RAD51B: variants seen among roughly 807,000 people sequenced by gnomAD.
RAD51B encodes the protein RAD51 paralog B.
In RAD51B, 38 loss-of-function variants were observed where a neutral mutation model predicts 42.2. The ratio of observed to expected loss-of-function variants is 0.90; its 90% CI spans 0.70 to 1.18. The LOEUF is 1.18. Ranked by LOEUF, RAD51B falls within the 50% of genes most tolerant of loss-of-function variation. The pLI is 0.00. For missense variants in RAD51B, 373 were observed against 400.7 expected (o/e 0.93, Z 0.59); for synonymous variants, 154 against 145.2 (o/e 1.06, Z -0.43).
intron 10 of RAD51B, among the ~76,000 whole-genome samples, chr14:68,500,945 G>A (rs1002541525): frequency 2.6e-4 from 39 of 152,186 alleles, no homozygotes; most frequent in African/African-American, 8.7e-4. Flanking sequence ...TCAGTTTCTG[G>A]AGTCCCCTCT....
chr14:68,272,905 C>T (rs992441356), intron 7 of RAD51B, among the ~76,000 whole-genome samples: 3 of 150,620 alleles, frequency 2.0e-5, no homozygotes, highest in Non-Finnish European at 3.0e-5. Context: ...AGGATGGTCT[C>T]GATCTCTTGA....
chr14:68,093,572 C>T (rs1422083030), intron 7 of RAD51B, among the ~76,000 whole-genome samples: 2 of 151,950 alleles, frequency 1.3e-5, no homozygotes, highest in African/African-American at 2.4e-5. Context: ...TTTATTGTGT[C>T]TATTTGATTC....
At chr14:67,912,364 C>T (rs2044011722) in intron 7 of RAD51B, among the ~76,000 whole-genome samples, 1 of 152,154 alleles carries the variant, frequency 6.6e-6, no homozygotes, top group Admixed American at 6.5e-5. Context: ...TTATGGTACA[C>T]TAGGCATTAT....
intron 7 of RAD51B, among the ~76,000 whole-genome samples, chr14:68,125,769 A>T (rs2077746789): frequency 6.6e-6 from 1 of 151,888 alleles, no homozygotes; most frequent in African/African-American, 2.4e-5. Flanking sequence ...GTTTTTTCAA[A>T]GATAAATCCC....
intron 9 of RAD51B, among the ~76,000 whole-genome samples, chr14:68,426,242 A>AT (rs55840994): frequency 0.017 from 2,342 of 135,210 alleles, 41 homozygotes; most frequent in African/African-American, 0.044. Context: ...CTAATTTTGT[A>AT]TTTTTTTTTT....
At chr14:67,850,401 G>T (rs112437235) in intron 4 of RAD51B, among the ~76,000 whole-genome samples, 1 of 152,102 alleles carries the variant, frequency 6.6e-6, no homozygotes, top group South Asian at 2.1e-4. Flanking sequence ...CTCACTAAAG[G>T]GTGTGACTTA....
intron 7 of RAD51B, among the ~76,000 whole-genome samples, chr14:68,106,524 T>C (rs1479399308): frequency 6.6e-6 from 1 of 151,956 alleles, no homozygotes; most frequent in Non-Finnish European, 1.5e-5. Flanking sequence ...AAAGTTAATT[T>C]AAAATGAACT....
chr14:67,864,996 TTTTTAG>T lies in RAD51B; in HGVS notation c.316-6_316-1del. 1 of 1,344,982 alleles carries T rather than the reference TTTTTAG, an allele frequency of 7.4e-7. No individual in the cohort carries two copies. The highest frequency in any genetic ancestry group is 9.5e-7 in the Non-Finnish European group (1 of 1,054,814). The allele number at this position is 1,344,982 out of a possible 1,614,324, so 83.3% of individuals were successfully genotyped here. On this transcript the variant is annotated splice_acceptor_variant and splice_polypyrimidine_tract_variant and intron_variant, in intron 4 of 10. Transcript: ENST00000471583. LOFTEE classifies it high-confidence loss of function. ...TTTTTTTTTTTTTTTTTTTTTTTTT[TTTTTAG>T]ATTACAGGTCCACCAGGTTGTGGAA... is the stretch of plus-strand genomic sequence containing the variant.
intron 10 of RAD51B, among the ~76,000 whole-genome samples, chr14:68,538,796 C>A (rs1303120915): frequency 6.6e-6 from 1 of 152,156 alleles, no homozygotes; most frequent in African/African-American, 2.4e-5. Context: ...CAGGATCAGC[C>A]TGCCCTGGGT....
In RAD51B at chr14:68,456,892, T is replaced by C. The variant is rs1594865451; in HGVS notation, c.958-11280T>C. ...TGATTTTTTTTTTTTTTTTTTTTTT[T>C]TTTTTTTTTTTTTTTTTTTTTTTTT... is the stretch of plus-strand genomic sequence containing the variant. On this transcript the variant is annotated intron_variant, in intron 9 of 10. Coordinates refer to ENST00000471583, the MANE Select transcript of RAD51B (RefSeq NM_133510.4). Among the ~76,000 whole-genome samples, 5 of 82,202 alleles carry C rather than the reference T, an allele frequency of 6.1e-5. No individual in the cohort carries two copies. In the East Asian group the frequency reaches 1.2e-3, roughly 19 times the overall value. The allele number at this position is 82,202 out of a possible 152,430, so 53.9% of individuals were successfully genotyped here.
chr14:68,500,125 T>A (rs1194033971), intron 10 of RAD51B, among the ~76,000 whole-genome samples: 1 of 152,128 alleles, frequency 6.6e-6, no homozygotes, highest in Non-Finnish European at 1.5e-5. Context: ...ATGGCAGAGA[T>A]CGGAGCTCAT....
intron 7 of RAD51B, among the ~76,000 whole-genome samples, chr14:68,252,574 T>C (rs1448086613): frequency 6.6e-6 from 1 of 152,250 alleles, no homozygotes; most frequent in Admixed American, 6.5e-5. Context: ...GTCACACTTA[T>C]ATAAACTGTT....
intron 7 of RAD51B, among the ~76,000 whole-genome samples, chr14:68,217,186 A>C (rs989785805): frequency 6.6e-6 from 1 of 152,166 alleles, no homozygotes; most frequent in Non-Finnish European, 1.5e-5. Flanking sequence ...TATCTTCCCC[A>C]GTCTCCTATG....
At chr14:68,275,904 G>A (rs61623658) in intron 7 of RAD51B, among the ~76,000 whole-genome samples, 19,389 of 151,356 alleles carry the variant, frequency 0.13, 1,700 homozygotes, top group African/African-American at 0.25. Flanking sequence ...AACCTGTCCT[G>A]TAGGAACCAA....
chr14:68,658,950 C>T (rs1892877353), intron 11 of RAD51B, among the ~76,000 whole-genome samples: 1 of 152,222 alleles, frequency 6.6e-6, no homozygotes, highest in South Asian at 2.1e-4. Context: ...CAGGATGTCA[C>T]TCCCTGCACA....
chr14:68,303,472 A>G (rs12232174), intron 8 of RAD51B, among the ~76,000 whole-genome samples: 72,660 of 149,432 alleles, frequency 0.49, 20,907 homozygotes, highest in South Asian at 0.65. Flanking sequence ...AAAAAAAAAA[A>G]AAAAGAAAAG....
intron 7 of RAD51B, among the ~76,000 whole-genome samples, chr14:68,174,292 C>T (rs2078924356): frequency 6.6e-6 from 1 of 151,664 alleles, no homozygotes; most frequent in Non-Finnish European, 1.5e-5. Flanking sequence ...TGGGAGGATC[C>T]CTGGAGCCCA....
At chr14:68,266,823 C>T (rs898741026) in intron 7 of RAD51B, among the ~76,000 whole-genome samples, 5 of 152,202 alleles carry the variant, frequency 3.3e-5, no homozygotes, top group Admixed American at 2.6e-4. Flanking sequence ...ACCAACCTTA[C>T]AAGGCTGTGC....
intron 7 of RAD51B, among the ~76,000 whole-genome samples, chr14:68,262,647 T>C (rs2080912567): frequency 1.3e-5 from 2 of 152,076 alleles, no homozygotes; most frequent in Admixed American, 1.3e-4. Context: ...AGTGATGGGG[T>C]TCAGGACACA....
Sources: gnomAD v4.1 joint callset for allele counts (sites outside exome capture counted in the v4.1 genomes callset) on GRCh38, gnomAD v4.1.1 for gene constraint, MANE v1.5 for transcripts, NCBI Gene and HGNC (gene_info 2026-07-23, HGNC 2026-07-21) for gene names.